CEP89: variants seen among roughly 807,000 people sequenced by gnomAD.
CEP89 encodes centrosomal protein 89.
Under a neutral mutation model 97.6 loss-of-function variants are expected in CEP89, and 95 were observed. That is an observed-to-expected ratio of 0.97 (90% CI 0.82 to 1.15). The LOEUF is 1.15. Ranked by LOEUF, CEP89 falls within the 50% of genes most tolerant of loss-of-function variation. CEP89 has a pLI of 0.00. For missense variants in CEP89, 869 were observed against 947.7 expected (o/e 0.92, Z 1.09); for synonymous variants, 354 against 349.1 (o/e 1.01, Z -0.16).
chr19:32,883,035 A>AT (rs547853081), intron 17 of CEP89, among the ~76,000 whole-genome samples: 16 of 151,046 alleles, frequency 1.1e-4, no homozygotes, highest in African/African-American at 1.5e-4. Context: ...ATTTTTTTGT[A>AT]TTTTTTTTAA....
rs757161677 is a variant in CEP89, at chr19:32,942,849, CTT to C, written c.596-2966_596-2965del. 6.5e-4 allele frequency among the ~76,000 whole-genome samples: 88 copies of C among 136,298 alleles called. 7 individuals carry two copies. The highest frequency in any genetic ancestry group is 7.9e-4 in the Non-Finnish European group (50 of 63,028). The allele number at this position is 136,298 out of a possible 152,430, so 89.4% of individuals were successfully genotyped here. ...GGTGTCATGCTGGGTCTATTCCAGT[CTT>C]TTTTTTTTTTTTTTTTGAGACAGGG... On this transcript the variant is annotated intron_variant, in intron 5 of 18. Transcript: ENST00000305768.
chr19:32,953,103 G>C (rs189436015), intron 4 of CEP89, among the ~76,000 whole-genome samples: 56 of 151,564 alleles, frequency 3.7e-4, no homozygotes, highest in African/African-American at 1.3e-3. Context: ...GAATCTCTCT[G>C]TGTGCAGTGC....
At chr19:32,886,247 C>T (rs1429504443) in intron 17 of CEP89, among the ~76,000 whole-genome samples, 1 of 152,194 alleles carries the variant, frequency 6.6e-6, no homozygotes, top group African/African-American at 2.4e-5. Flanking sequence ...TTCTATTTTT[C>T]TTCCTTTTCC....
intron 12 of CEP89, among the ~76,000 whole-genome samples, chr19:32,919,274 C>A (rs534454298): frequency 6.6e-6 from 1 of 152,310 alleles, no homozygotes; most frequent in East Asian, 1.9e-4. Flanking sequence ...TAAAACCCAG[C>A]CCAGCTCAGC....
At chr19:32,938,309 G>C (rs1490689797) in intron 6 of CEP89, among the ~76,000 whole-genome samples, 1 of 152,148 alleles carries the variant, frequency 6.6e-6, no homozygotes, top group Non-Finnish European at 1.5e-5. Context: ...AGGGCTGCAA[G>C]TGCTGAGCAG....
At position 32,915,470 on chromosome 19, in the gene CEP89, C is replaced by G. The variant is rs768932479; in HGVS notation, c.1432G>C (p.Gly478Arg). ...QLMLLEAKTH[G>R]QEKELAENRE... is the part of the protein sequence containing the mutation. ...TTCTCCGCCAGCTCCTTTTCCTGGC[C>G]GTGGGTTTTTGCCTCCAGGAGCATT... Residue 478 changes from glycine (G) to arginine (R), a missense_variant, in exon 14 of 19, where the codon GGC (glycine) becomes CGC (arginine). Physicochemically the swap from Gly to Arg is moderately radical, Grantham distance 125 (BLOSUM62 -2). Transcript: ENST00000305768. 1 of 1,612,888 alleles carries G rather than the reference C, an allele frequency of 6.2e-7. No individual in the cohort carries two copies. The highest frequency in any genetic ancestry group is 8.5e-7 in the Non-Finnish European group (1 of 1,179,804).
intron 16 of CEP89, among the ~76,000 whole-genome samples, chr19:32,892,532 C>T (rs1388667048): frequency 1.3e-5 from 2 of 151,904 alleles, no homozygotes; most frequent in African/African-American, 4.8e-5. Flanking sequence ...TCTTGAACTC[C>T]TGACCTCAGA....
intron 9 of CEP89, among the ~76,000 whole-genome samples, chr19:32,927,523 T>C (rs1174691504): frequency 6.6e-6 from 1 of 152,188 alleles, no homozygotes; most frequent in Non-Finnish European, 1.5e-5. Flanking sequence ...TCAAATTTCA[T>C]CTATTTTCCC....
intron 12 of CEP89, among the ~76,000 whole-genome samples, chr19:32,922,295 A>G (rs1218340354): frequency 6.6e-6 from 1 of 152,210 alleles, no homozygotes; most frequent in Non-Finnish European, 1.5e-5. Context: ...CAATCCCAGC[A>G]CTTTGGGAGG....
At chr19:32,882,612 A>T (rs1262125433) in intron 17 of CEP89, among the ~76,000 whole-genome samples, 2 of 152,036 alleles carry the variant, frequency 1.3e-5, no homozygotes, top group African/African-American at 4.8e-5. Flanking sequence ...ATGTTCTTGC[A>T]AATTAATCTA....
At position 32,901,239 on chromosome 19, in the gene CEP89, A is replaced by T. The variant is rs187153462; in HGVS notation, c.1733+6T>A. The T allele has an allele frequency of 3.2e-3, 5,145 of 1,609,520 alleles. 13 individuals are homozygous for T. The highest frequency in any genetic ancestry group is 5.8e-3 in the Middle Eastern group (35 of 6,036). ...AAAGCAACTTAAAGGAAAAAAAGACACAAACCTATTGATTTTCTGTGCTCG... is the reference window on the plus strand; with the variant it reads ...AAAGCAACTTAAAGGAAAAAAAGACTCAAACCTATTGATTTTCTGTGCTCG... On this transcript the variant is annotated splice_donor_region_variant and intron_variant, in intron 15 of 18. Transcript: ENST00000305768.
chr19:32,962,549 T>C (rs1971192193), intron 2 of CEP89, among the ~76,000 whole-genome samples: 1 of 152,154 alleles, frequency 6.6e-6, no homozygotes, highest in Non-Finnish European at 1.5e-5. Flanking sequence ...CTTTGTGACC[T>C]TAGGTTAGGT....
chr19:32,880,239 G>A (rs17206303), intron 18 of CEP89, among the ~76,000 whole-genome samples: 37,592 of 152,178 alleles, frequency 0.25, 5,530 homozygotes, highest in Non-Finnish European at 0.35. Context: ...CTGCCAGATG[G>A]TTCTGGAAAA....
At chr19:32,916,609 A>G (rs1037186096) in intron 13 of CEP89, among the ~76,000 whole-genome samples, 2 of 152,314 alleles carry the variant, frequency 1.3e-5, no homozygotes, top group Admixed American at 1.3e-4. Flanking sequence ...AAATATTTTC[A>G]TCCTGTGTTA....
chr19:32,889,105 A>G (rs573485320), intron 16 of CEP89, among the ~76,000 whole-genome samples: 58 of 152,310 alleles, frequency 3.8e-4, no homozygotes, highest in African/African-American at 1.4e-3. Flanking sequence ...CCTGGAGACC[A>G]GGATGGGGTA....
rs11299527 is a variant in CEP89 at position 32,922,847 on chromosome 19, CAA to C, written c.1268+590_1268+591del. Among the ~76,000 whole-genome samples, 1,010 of 144,172 alleles carry C rather than the reference CAA, an allele frequency of 7.0e-3. 7 individuals carry two copies. Among genetic ancestry groups the C allele is most frequent in the African/African-American group, 0.016 (638 of 39,314 alleles). 94.6% of individuals were successfully genotyped at this position (144,172 alleles called of 152,430 possible). A position where few individuals can be genotyped will look rare whatever the true frequency, so the allele number is the denominator to read the frequency against. ...TGGCCAACACAGCAAGACTCTGTCT[CAA>C]AAAAAAAAAAAGAAAAGAAACAGAG... On this transcript the variant is annotated intron_variant, in intron 12 of 18. Transcript: ENST00000305768.
intron 14 of CEP89, among the ~76,000 whole-genome samples, chr19:32,901,771 G>A (rs756792270): frequency 6.6e-5 from 10 of 152,064 alleles, no homozygotes; most frequent in Non-Finnish European, 1.2e-4. Flanking sequence ...GGGACCACAG[G>A]CACACATGAT....
chr19:32,934,238 G>T (rs1271736913), intron 7 of CEP89, among the ~76,000 whole-genome samples: 1 of 152,166 alleles, frequency 6.6e-6, no homozygotes, highest in African/African-American at 2.4e-5. Flanking sequence ...GAGCAGGTGG[G>T]GATGGAAGAT....
At chr19:32,966,509 TG>T in intron 1 of CEP89, 43 bp from the exon 2 acceptor site, 1 of 1,235,888 alleles carries the variant, frequency 8.1e-7, no homozygotes, top group Admixed American at 2.4e-5. Context: ...GTTGGGTCAC[TG>T]GATCACCTGA....
Sources: allele counts gnomAD v4.1 joint callset (sites outside exome capture counted in the v4.1 genomes callset), GRCh38; gene constraint gnomAD v4.1.1; transcripts MANE v1.5; gene names NCBI Gene and HGNC (gene_info 2026-07-23, HGNC 2026-07-21).